SGCZ: variants seen among roughly 807,000 people sequenced by gnomAD.
SGCZ encodes sarcoglycan zeta, also known as zeta-sarcoglycan.
SGCZ carries 40 observed loss-of-function variants against 41.3 expected under a neutral mutation model. The observed-to-expected ratio is 0.97, with a 90% CI of 0.75 to 1.26. SGCZ has a LOEUF of 1.26. SGCZ is among the 50% of genes most tolerant of loss of function. The pLI, the probability that SGCZ is intolerant of heterozygous loss-of-function variation, is 0.00. For synonymous variants in SGCZ, 206 were observed against 137.5 expected (o/e 1.50, Z -3.49); for missense variants, 552 against 369.8 (o/e 1.49, Z -4.04).
intron 1 of SGCZ, among the ~76,000 whole-genome samples, chr8:14,849,175 C>T (rs1433193528): frequency 2.0e-5 from 3 of 152,036 alleles, no homozygotes; most frequent in Non-Finnish European, 4.4e-5. Context: ...CTGCTTGTGT[C>T]GACCAGTGTT....
rs771935815 is a variant in SGCZ, at chr8:14,090,489, A to C, written c.893T>G (p.Val298Gly). The change falls in exon 8 of 8, where the codon GTA (valine) becomes GGA (glycine). Residue 298 changes from valine to glycine, a missense_variant. Val to Gly is a moderately radical substitution (Grantham distance 109). Coordinates refer to ENST00000382080, the MANE Select transcript of SGCZ (RefSeq NM_139167.4). ...NGKLYLSPAGVGSTCQSSSNI... is the reference protein window; with the variant it reads ...NGKLYLSPAGGGSTCQSSSNI... ...GCTACTGGACTGACAAGTGGAACCT[A>C]CTCCTGCTGGAGAAAGGTAAAGTTT... The C allele has an allele frequency of 3.1e-6, 5 of 1,612,934 alleles. No homozygotes were observed. The highest frequency in any genetic ancestry group is 1.7e-5 in the Admixed American group (1 of 59,926).
intron 4 of SGCZ, among the ~76,000 whole-genome samples, chr8:14,233,147 G>T (rs1408995953): frequency 6.6e-6 from 1 of 151,870 alleles, no homozygotes; most frequent in Non-Finnish European, 1.5e-5. Flanking sequence ...TCTTTTTCCA[G>T]TTTCTGAATT....
chr8:14,956,238 C>A (rs1192720289), intron 1 of SGCZ, among the ~76,000 whole-genome samples: 1 of 151,842 alleles, frequency 6.6e-6, no homozygotes, highest in African/African-American at 2.4e-5. Flanking sequence ...TGGAGTTTCA[C>A]CCTGTTGGCC....
At chr8:14,307,716 AGTG>A (rs949056659) in intron 3 of SGCZ, among the ~76,000 whole-genome samples, 5 of 152,156 alleles carry the variant, frequency 3.3e-5, no homozygotes, top group African/African-American at 1.2e-4. Context: ...TTATTAACAA[AGTG>A]GTGATTTTTT....
At chr8:14,482,868 A>G (rs1290840068) in intron 2 of SGCZ, among the ~76,000 whole-genome samples, 12 of 151,956 alleles carry the variant, frequency 7.9e-5, no homozygotes, top group Admixed American at 7.9e-4. Flanking sequence ...CTTCAGACTT[A>G]GGCTGGAATT....
At chr8:14,580,368 A>T (rs2117255296) in intron 1 of SGCZ, among the ~76,000 whole-genome samples, 1 of 152,338 alleles carries the variant, frequency 6.6e-6, no homozygotes, top group East Asian at 1.9e-4. Context: ...TGAAGTTTAA[A>T]AAATAGTAAT....
chr8:14,297,866 A>G (rs1435520586), intron 3 of SGCZ, among the ~76,000 whole-genome samples: 1 of 152,084 alleles, frequency 6.6e-6, no homozygotes, highest in Non-Finnish European at 1.5e-5. Flanking sequence ...AGAAAAAAAA[A>G]GGAGAAGACT....
chr8:14,289,838 GA>G (rs1800778820), intron 3 of SGCZ, among the ~76,000 whole-genome samples: 2 of 150,068 alleles, frequency 1.3e-5, no homozygotes, highest in African/African-American at 4.9e-5. Context: ...AAAATAAAAA[GA>G]AAAGAAAAAG....
chr8:15,189,163 T>C (rs1344991594), intron 1 of SGCZ, among the ~76,000 whole-genome samples: 1 of 152,192 alleles, frequency 6.6e-6, no homozygotes, highest in African/African-American at 2.4e-5. Flanking sequence ...TCCTTCAGTT[T>C]AGCAGTAATA....
intron 1 of SGCZ, among the ~76,000 whole-genome samples, chr8:14,875,801 G>A (rs1054640791): frequency 6.6e-6 from 1 of 152,100 alleles, no homozygotes; most frequent in Non-Finnish European, 1.5e-5. Flanking sequence ...TAAATAAGGA[G>A]CCTGACCTTG....
intron 2 of SGCZ, among the ~76,000 whole-genome samples, chr8:14,547,200 G>A (rs1051079099): frequency 2.6e-5 from 4 of 152,008 alleles, no homozygotes; most frequent in African/African-American, 7.2e-5. Context: ...AGCATATTTA[G>A]AATCAACACA....
intron 2 of SGCZ, among the ~76,000 whole-genome samples, chr8:14,324,954 C>T (rs141280732): frequency 1.3e-5 from 2 of 152,098 alleles, no homozygotes; most frequent in Admixed American, 1.3e-4. Context: ...ATTCTGGCAA[C>T]ATTTAGATAA....
At chr8:14,690,159 T>A (rs1369220260) in intron 1 of SGCZ, among the ~76,000 whole-genome samples, 1 of 151,968 alleles carries the variant, frequency 6.6e-6, no homozygotes, top group African/African-American at 2.4e-5. Flanking sequence ...AGAGGTTATT[T>A]TGGGCCCGTG....
At chr8:14,180,226 G>C (rs898248245) in intron 4 of SGCZ, among the ~76,000 whole-genome samples, 1 of 152,090 alleles carries the variant, frequency 6.6e-6, no homozygotes, top group African/African-American at 2.4e-5. Context: ...CGAGTTGAAG[G>C]CCTCCTAGCC....
At chr8:14,627,388 A>G (rs1585136312) in intron 1 of SGCZ, among the ~76,000 whole-genome samples, 2 of 152,268 alleles carry the variant, frequency 1.3e-5, no homozygotes, top group South Asian at 2.1e-4. Flanking sequence ...GGTTGAGAAC[A>G]TCTAATACCT....
chr8:15,196,762 T>C (rs1353998865), intron 1 of SGCZ, among the ~76,000 whole-genome samples: 1 of 152,170 alleles, frequency 6.6e-6, no homozygotes, highest in Non-Finnish European at 1.5e-5. Flanking sequence ...ATTAGGTATA[T>C]CTAAAATTTC....
At chr8:14,291,416 G>C (rs983753141) in intron 3 of SGCZ, among the ~76,000 whole-genome samples, 1 of 151,930 alleles carries the variant, frequency 6.6e-6, no homozygotes, top group Non-Finnish European at 1.5e-5. Context: ...TTATGATTAT[G>C]TGTCATTCAT....
At chr8:14,095,198 C>T (rs898239945) in intron 7 of SGCZ, among the ~76,000 whole-genome samples, 2 of 152,074 alleles carry the variant, frequency 1.3e-5, no homozygotes, top group Non-Finnish European at 2.9e-5. Context: ...GAAGTCTTTG[C>T]CCGTGCCTAT....
intron 5 of SGCZ, among the ~76,000 whole-genome samples, chr8:14,144,543 C>G (rs1803465334): frequency 6.6e-6 from 1 of 152,176 alleles, no homozygotes; most frequent in African/African-American, 2.4e-5. Context: ...AGACTCAGTA[C>G]TTTACCAGCT....
Sources: gnomAD v4.1 joint callset for allele counts (sites outside exome capture counted in the v4.1 genomes callset) on GRCh38, gnomAD v4.1.1 for gene constraint, MANE v1.5 for transcripts, NCBI Gene and HGNC (gene_info 2026-07-23, HGNC 2026-07-21) for gene names.